UBE2H: variants seen among roughly 807,000 people sequenced by gnomAD.
The protein encoded by UBE2H is ubiquitin-conjugating enzyme E2 H.
In UBE2H, 3 loss-of-function variants were observed where a neutral mutation model predicts 29.0. The observed-to-expected ratio is 0.10, with a 90% CI of 0.05 to 0.27. The LOEUF (loss-of-function observed/expected upper bound fraction) is 0.27. Among genes scored for constraint, UBE2H ranks in the 10% least tolerant of loss-of-function variants. UBE2H has a pLI of 1.00. For missense variants in UBE2H, 68 were observed against 228.2 expected, an observed-to-expected ratio of 0.30 and a Z score of 4.52; for synonymous variants, 69 against 82.9, an observed-to-expected ratio of 0.83 and a Z score of 0.91.
chr7:129,885,409 C>T (rs149026093), intron 1 of UBE2H, among the ~76,000 whole-genome samples: 171 of 152,298 alleles, frequency 1.1e-3, no homozygotes, highest in African/African-American at 3.7e-3. Context: ...TTTAAAATTA[C>T]GAGTTGTCCT....
At position 129,871,057 on chromosome 7, in the gene UBE2H, A is replaced by AT. The variant is rs2116347525; in HGVS notation, c.205+8510dup. Among the ~76,000 whole-genome samples, 3 of 152,340 alleles carry AT rather than the reference A, an allele frequency of 2.0e-5. No individual in the cohort carries two copies. The East Asian group carries it at 5.8e-4, about 29-fold the overall frequency. On this transcript the variant is annotated intron_variant, in intron 3 of 6. Coordinates refer to ENST00000355621, the MANE Select transcript of UBE2H (RefSeq NM_003344.4). ...CCTGAATATCTGATCCAAGGTACCT[A>AT]TTCTATCCATTAATTCTCTGCATAA...
intron 3 of UBE2H, among the ~76,000 whole-genome samples, chr7:129,865,951 G>A (rs184586394): frequency 6.6e-6 from 1 of 152,256 alleles, no homozygotes; most frequent in African/African-American, 2.4e-5. Flanking sequence ...TAAGGGTGGG[G>A]GGGTGCTGCC....
chr7:129,866,674 C>A (rs866108004), intron 3 of UBE2H, among the ~76,000 whole-genome samples: 1 of 152,144 alleles, frequency 6.6e-6, no homozygotes, highest in African/African-American at 2.4e-5. Flanking sequence ...TTGATCATTA[C>A]GTATTGCATA....
chr7:129,904,461 G>A (rs778774476), intron 1 of UBE2H, among the ~76,000 whole-genome samples: 4 of 152,050 alleles, frequency 2.6e-5, no homozygotes, highest in Non-Finnish European at 5.9e-5. Flanking sequence ...AGACCTTTCC[G>A]ATCACCTGAA....
chr7:129,947,582 G>C (rs983549992), intron 1 of UBE2H, among the ~76,000 whole-genome samples: 16 of 152,104 alleles, frequency 1.1e-4, no homozygotes, highest in Non-Finnish European at 2.2e-4. Context: ...TAATATTTTA[G>C]TTTTGAAATT....
At chr7:129,875,335 A>G (rs1349494975) in intron 3 of UBE2H, among the ~76,000 whole-genome samples, 1 of 152,206 alleles carries the variant, frequency 6.6e-6, no homozygotes, top group African/African-American at 2.4e-5. Flanking sequence ...AAACATGACT[A>G]ATGGGTAAAA....
intron 4 of UBE2H, among the ~76,000 whole-genome samples, chr7:129,858,691 C>G (rs1418504616): frequency 6.6e-6 from 1 of 151,984 alleles, no homozygotes; most frequent in Admixed American, 6.6e-5. Context: ...CCAGTCACGA[C>G]AATGGAAAAA....
chr7:129,923,050 G>T (rs1027309515), intron 1 of UBE2H, among the ~76,000 whole-genome samples: 7 of 151,864 alleles, frequency 4.6e-5, no homozygotes, highest in African/African-American at 1.7e-4. Context: ...ACAGGCACCC[G>T]CCACCAAGCC....
chr7:129,906,366 G>C, intron 1 of UBE2H, among the ~76,000 whole-genome samples: 1 of 151,882 alleles, frequency 6.6e-6, no homozygotes, highest in East Asian at 1.9e-4. Flanking sequence ...CACCACATGC[G>C]GCTAATTTTT....
At chr7:129,847,752 C>G (rs1024874905) in intron 5 of UBE2H, among the ~76,000 whole-genome samples, 1 of 152,210 alleles carries the variant, frequency 6.6e-6, no homozygotes, top group Non-Finnish European at 1.5e-5. Context: ...GTAGTCTTAT[C>G]AAACTTTACA....
At chr7:129,868,111 CA>C (rs1805950596) in intron 3 of UBE2H, among the ~76,000 whole-genome samples, 1 of 152,026 alleles carries the variant, frequency 6.6e-6, no homozygotes, top group South Asian at 2.1e-4. Flanking sequence ...ATTATGACAC[CA>C]AATCCTAAAG....
At chr7:129,937,487 A>G (rs1235522448) in intron 1 of UBE2H, among the ~76,000 whole-genome samples, 1 of 152,242 alleles carries the variant, frequency 6.6e-6, no homozygotes, top group Admixed American at 6.5e-5. Context: ...AAGTCACATT[A>G]ATTACTCCAA....
chr7:129,895,627 A>G (rs1328073171), intron 1 of UBE2H, among the ~76,000 whole-genome samples: 2 of 152,144 alleles, frequency 1.3e-5, no homozygotes, highest in Non-Finnish European at 2.9e-5. Flanking sequence ...TAGGCCAGGC[A>G]CGGTGGCTCA....
intron 1 of UBE2H, among the ~76,000 whole-genome samples, chr7:129,927,256 A>C (rs777799187): frequency 4.6e-5 from 7 of 152,222 alleles, no homozygotes; most frequent in Non-Finnish European, 8.8e-5. Context: ...AATGTGGGCA[A>C]CTTCGCCAGG....
intron 2 of UBE2H, among the ~76,000 whole-genome samples, chr7:129,880,505 CTTAA>C (rs1373679598): frequency 6.6e-6 from 1 of 152,056 alleles, no homozygotes; most frequent in African/African-American, 2.4e-5. Flanking sequence ...GACTCCATCA[CTTAA>C]TAAATAAATA....
intron 3 of UBE2H, among the ~76,000 whole-genome samples, chr7:129,863,798 A>C (rs1805843606): frequency 7.5e-6 from 1 of 132,860 alleles, no homozygotes; most frequent in African/African-American, 2.7e-5. Context: ...GATCTCTTCC[A>C]ATACTAGGTG....
At chr7:129,913,663 G>A (rs1251638823) in intron 1 of UBE2H, among the ~76,000 whole-genome samples, 1 of 152,162 alleles carries the variant, frequency 6.6e-6, no homozygotes, top group African/African-American at 2.4e-5. Flanking sequence ...CTTTAACTGG[G>A]TGCAGTGGCA....
intron 1 of UBE2H, among the ~76,000 whole-genome samples, chr7:129,885,926 G>A (rs1016611286): frequency 6.6e-6 from 1 of 152,178 alleles, no homozygotes; most frequent in Non-Finnish European, 1.5e-5. Flanking sequence ...GAGAGACCAC[G>A]AGTTTCTTTC....
chr7:129,883,196 A>T (rs1806288945), intron 1 of UBE2H, among the ~76,000 whole-genome samples: 3 of 152,256 alleles, frequency 2.0e-5, no homozygotes, highest in African/African-American at 4.8e-5. Flanking sequence ...GGACAAATCC[A>T]GCACTATATT....
Sources: allele counts gnomAD v4.1 joint callset (sites outside exome capture counted in the v4.1 genomes callset), GRCh38; gene constraint gnomAD v4.1.1; transcripts MANE v1.5; gene names NCBI Gene and HGNC (gene_info 2026-07-23, HGNC 2026-07-21).